ATP10B: variants seen among roughly 807,000 people sequenced by gnomAD.
ATP10B encodes the protein ATPase phospholipid transporting 10B (putative).
A neutral mutation model predicts 141.2 loss-of-function variants in ATP10B; 122 were observed. The ratio of observed to expected loss-of-function variants is 0.86; its 90% CI spans 0.75 to 1.00. The LOEUF (loss-of-function observed/expected upper bound fraction) is 1.00. ATP10B is among the 50% of genes least tolerant of loss of function. The probability of loss-of-function intolerance (pLI) is 0.00; values close to 1 mark genes in which losing one functional copy is unlikely to be tolerated. For missense variants in ATP10B, 1,876 were observed against 1,825.3 expected, an observed-to-expected ratio of 1.03 and a Z score of -0.51; for synonymous variants, 685 against 692.0, an observed-to-expected ratio of 0.99 and a Z score of 0.16.
chr5:160,796,289 C>T (rs1451392006), intron 1 of ATP10B, among the ~76,000 whole-genome samples: 1 of 152,166 alleles, frequency 6.6e-6, no homozygotes. Context: ...GTCCCTTTAG[C>T]CAATACATCA....
At chr5:160,701,864 C>T (rs982265127) in intron 3 of ATP10B, among the ~76,000 whole-genome samples, 10 of 151,820 alleles carry the variant, frequency 6.6e-5, no homozygotes, top group Admixed American at 2.0e-4. Flanking sequence ...GAGCAGTTAC[C>T]CCTCTGCCCC....
At chr5:160,717,493 C>T (rs893110362) in intron 2 of ATP10B, among the ~76,000 whole-genome samples, 1 of 152,110 alleles carries the variant, frequency 6.6e-6, no homozygotes, top group African/African-American at 2.4e-5. Context: ...AAAGTTCAAG[C>T]CCTCAGTGAA....
intron 24 of ATP10B, among the ~76,000 whole-genome samples, chr5:160,588,408 G>A (rs745358437): frequency 3.9e-5 from 6 of 152,098 alleles, no homozygotes; most frequent in Non-Finnish European, 5.9e-5. Flanking sequence ...GGGAGGCTGG[G>A]GTGGAGAGTT....
Position 160,620,881 on chromosome 5 carries a change from A to G in ATP10B, c.1882T>C (p.Leu628=), listed in dbSNP as rs375393964. 2.5e-6 allele frequency: 4 copies of G among 1,614,198 alleles called. No homozygotes were observed. Among genetic ancestry groups the G allele is most frequent in the Middle Eastern group, 3.3e-4 (2 of 6,062 alleles). Residue 628 remains leucine (L), a synonymous_variant, in exon 15 of 26, where the codon TTG becomes CTG. Coordinates refer to ENST00000327245, the MANE Select transcript of ATP10B (RefSeq NM_025153.3). ...GACTGGCTGAGGCTCAATAGCTTCA[A>G]CTTCTGGAAGAGCTGCTGAATCTTC... is the stretch of plus-strand genomic sequence containing the variant. ...LEKIQQLFQK[L]KLLSLSQSFS...
At chr5:160,633,327 T>C (rs980622482) in intron 12 of ATP10B, 3 of 152,218 alleles carry the variant, frequency 2.0e-5, no homozygotes, top group Admixed American at 6.5e-5. Flanking sequence ...CCATCAGCGA[T>C]AGACTGGATA....
At chr5:160,668,049 G>A (rs1762427986) in intron 7 of ATP10B, among the ~76,000 whole-genome samples, 1 of 152,016 alleles carries the variant, frequency 6.6e-6, no homozygotes, top group Non-Finnish European at 1.5e-5. Flanking sequence ...GGCCAACATG[G>A]CAAAAACCCT....
At chr5:160,719,314 G>A (rs967749855) in intron 2 of ATP10B, among the ~76,000 whole-genome samples, 11 of 152,194 alleles carry the variant, frequency 7.2e-5, no homozygotes, top group African/African-American at 9.7e-5. Flanking sequence ...GCAGGAGAAT[G>A]GTGTGAACCC....
the ATP10B span, among the ~76,000 whole-genome samples, chr5:160,891,124 G>A: frequency 4.6e-5 from 7 of 152,282 alleles, no homozygotes; most frequent in South Asian, 1.2e-3. Context: ...TTTCTGTACT[G>A]TAATTCTGTT....
intron 3 of ATP10B, among the ~76,000 whole-genome samples, chr5:160,699,601 T>A (rs1380115054): frequency 2.0e-5 from 3 of 152,138 alleles, no homozygotes; most frequent in Admixed American, 1.3e-4. Flanking sequence ...GCATCTGGCT[T>A]AGCACAGAGA....
At chr5:160,836,283 A>T (rs10053965) in intron 1 of ATP10B, among the ~76,000 whole-genome samples, 3,034 of 152,298 alleles carry the variant, frequency 0.02, 108 homozygotes, top group African/African-American at 0.067. Flanking sequence ...TTGGATGACC[A>T]CAAAACTCTG....
intron 2 of ATP10B, among the ~76,000 whole-genome samples, chr5:160,759,672 G>A (rs902265513): frequency 6.6e-6 from 1 of 152,064 alleles, no homozygotes; most frequent in Non-Finnish European, 1.5e-5. Context: ...ATACCCCAAG[G>A]AATATCCATA....
chr5:160,736,605 CA>C (rs1490148289), intron 2 of ATP10B, among the ~76,000 whole-genome samples: 1 of 151,978 alleles, frequency 6.6e-6, no homozygotes, highest in Non-Finnish European at 1.5e-5. Flanking sequence ...ACTAAAAATA[CA>C]AAAATTAGCC....
At chr5:160,845,018 C>T (rs1018829992) in intron 1 of ATP10B, among the ~76,000 whole-genome samples, 2 of 151,594 alleles carry the variant, frequency 1.3e-5, no homozygotes, top group Admixed American at 6.6e-5. Context: ...TTTGGCCACC[C>T]TTATTTGTTT....
At chr5:160,699,508 T>A (rs1408147596) in intron 3 of ATP10B, among the ~76,000 whole-genome samples, 2 of 152,146 alleles carry the variant, frequency 1.3e-5, no homozygotes, top group African/African-American at 2.4e-5. Context: ...ACATACCAAT[T>A]AGTACACCCC....
chr5:160,864,397 C>A, the ATP10B span, among the ~76,000 whole-genome samples: 2 of 151,856 alleles, frequency 1.3e-5, no homozygotes, highest in South Asian at 2.1e-4. Flanking sequence ...TGATAAAAAA[C>A]CCTCAACATA....
chr5:160,870,880 T>TAC, the ATP10B span, among the ~76,000 whole-genome samples: 2 of 141,308 alleles, frequency 1.4e-5, no homozygotes, highest in African/African-American at 5.1e-5. Flanking sequence ...AGCAAAGAAT[T>TAC]ACATCTGACT....
At position 160,606,933 on chromosome 5, in the gene ATP10B, T is replaced by A; in HGVS notation, c.2992A>T (p.Ile998Phe). 6.2e-7 allele frequency: 1 copy of A among 1,614,174 alleles called. No individual in the cohort carries two copies. Among genetic ancestry groups the A allele is most frequent in the Non-Finnish European group, 8.5e-7 (1 of 1,180,006 alleles). ...ATGGCATTCAATGTCTTCCCATCGA[T>A]GACCAATCCAGCTTCTGGAACCACA... is the stretch of plus-strand genomic sequence containing the variant. ...EAVVPEAGLVIDGKTLNAIFQ... is the reference protein window; with the variant it reads ...EAVVPEAGLVFDGKTLNAIFQ... Residue 998 changes from isoleucine to phenylalanine, a missense_variant, in exon 19 of 26, where the codon ATC (isoleucine) becomes TTC (phenylalanine). By Grantham distance (21) the Ile-to-Phe change is conservative. Transcript: ENST00000327245.
intron 23 of ATP10B, 82 bp downstream of exon 23, chr5:160,590,977 C>T (rs908273002): frequency 1.0e-5 from 12 of 1,182,756 alleles, no homozygotes; most frequent in Admixed American, 2.0e-5. Flanking sequence ...TCCAGAAGGA[C>T]ACTACTGGTC....
intron 1 of ATP10B, among the ~76,000 whole-genome samples, chr5:160,791,088 G>T (rs1375846497): frequency 1.3e-5 from 2 of 150,486 alleles, no homozygotes; most frequent in Non-Finnish European, 3.0e-5. Context: ...ATATGGGCCT[G>T]CAGTCCTACA....
Sources: gnomAD v4.1 joint callset for allele counts (sites outside exome capture counted in the v4.1 genomes callset) on GRCh38, gnomAD v4.1.1 for gene constraint, MANE v1.5 for transcripts, NCBI Gene and HGNC (gene_info 2026-07-23, HGNC 2026-07-21) for gene names.